MMS19: variants seen among roughly 807,000 people sequenced by gnomAD.
MMS19 encodes the protein MMS19 cytosolic iron-sulfur assembly component, also known as MMS19 nucleotide excision repair protein homolog.
In MMS19, 77 loss-of-function variants were observed where a neutral mutation model predicts 129.8. The observed-to-expected ratio is 0.59, with a 90% CI of 0.49 to 0.72. The LOEUF (loss-of-function observed/expected upper bound fraction) is 0.72. Among genes scored for constraint, MMS19 ranks in the 30% least tolerant of loss-of-function variants. The pLI is 0.00. For synonymous variants in MMS19, 491 were observed against 502.8 expected (o/e 0.98, Z 0.31); for missense variants, 1,168 against 1,266.3 (o/e 0.92, Z 1.18).
At chr10:97,478,783 G>A (rs770757364) in intron 3 of MMS19, among the ~76,000 whole-genome samples, 55 of 152,064 alleles carry the variant, frequency 3.6e-4, no homozygotes, top group African/African-American at 1.3e-3. Flanking sequence ...AAATAAATGA[G>A]TGTAGCTATG....
chr10:97,462,819 G>A (rs1395678583), intron 19 of MMS19, 137 bp from the exon 20 acceptor site: 17 of 690,266 alleles, frequency 2.5e-5, no homozygotes, highest in Non-Finnish European at 4.1e-5. Context: ...GTCTCTGGTA[G>A]TGCTATAGTC....
chr10:97,483,569 C>T (rs10882942), intron 2 of MMS19, among the ~76,000 whole-genome samples: 61,449 of 152,088 alleles, frequency 0.4, 12,405 homozygotes, highest in Non-Finnish European at 0.43. Flanking sequence ...TTATGAAATA[C>T]GAGGAAAGTA....
At chr10:97,493,804 C>T (rs747464734) in intron 1 of MMS19, among the ~76,000 whole-genome samples, 1 of 152,140 alleles carries the variant, frequency 6.6e-6, no homozygotes, top group Non-Finnish European at 1.5e-5. Context: ...CACCTGAGGT[C>T]GGAAGTTTAG....
chr10:97,491,032 C>T (rs560856554), intron 1 of MMS19, among the ~76,000 whole-genome samples: 5 of 152,204 alleles, frequency 3.3e-5, no homozygotes, highest in Non-Finnish European at 5.9e-5. Flanking sequence ...TTCTGGGTTA[C>T]GAACCACAAA....
chr10:97,465,159 G>A (rs1360010494), intron 18 of MMS19, among the ~76,000 whole-genome samples: 1 of 151,798 alleles, frequency 6.6e-6, no homozygotes, highest in African/African-American at 2.4e-5. Flanking sequence ...ACAGGCGCCT[G>A]CCACCATGAC....
At chr10:97,476,382 C>A (rs1476765073) in intron 8 of MMS19, among the ~76,000 whole-genome samples, 13 of 152,206 alleles carry the variant, frequency 8.5e-5, no homozygotes, top group Admixed American at 7.9e-4. Flanking sequence ...CATTTTCCTA[C>A]CTAATCTCCT....
At chr10:97,477,498 C>T in intron 5 of MMS19, 82 bp from the exon 6 acceptor site, 1 of 1,579,456 alleles carries the variant, frequency 6.3e-7, no homozygotes, top group Non-Finnish European at 8.7e-7. Context: ...TTCATAATCT[C>T]TAAGTGAACA....
At chr10:97,466,321 G>A (rs939276771) in intron 16 of MMS19, among the ~76,000 whole-genome samples, 162 bp from the exon 17 acceptor site, 1 of 152,208 alleles carries the variant, frequency 6.6e-6, no homozygotes, top group East Asian at 1.9e-4. Flanking sequence ...GCTTCTTAAA[G>A]CCTAAGAAGA....
intron 1 of MMS19, among the ~76,000 whole-genome samples, chr10:97,486,862 C>CAT (rs148575472): frequency 0.015 from 1,261 of 84,918 alleles, 38 homozygotes; most frequent in African/African-American, 0.038. Context: ...ATTAAAGTGC[C>CAT]ATATATATAT....
In MMS19 at chr10:97,462,697, C is replaced by T. The variant is rs759167871; in HGVS notation, c.1913-15G>A. The T allele has an allele frequency of 1.3e-5, 20 of 1,570,820 alleles. No homozygotes were observed. In the Middle Eastern group the frequency reaches 5.0e-4, roughly 39 times the overall value. ...GGGCTCCTTCTCTGCAAAACACACA[C>T]ACATGCACACAATCACAAGACCATG... On this transcript the variant is annotated splice_polypyrimidine_tract_variant and intron_variant, in intron 19 of 30. Coordinates refer to ENST00000438925, the MANE Select transcript of MMS19 (RefSeq NM_022362.5).
At chr10:97,461,711 T>G in intron 22 of MMS19, 89 bp from the exon 23 acceptor site, 1 of 1,551,316 alleles carries the variant, frequency 6.4e-7, no homozygotes, top group South Asian at 1.2e-5. Flanking sequence ...CCGGGACGGA[T>G]GAGAACTAAC....
chr10:97,469,833 C>A, intron 10 of MMS19, 110 bp from the exon 11 acceptor site: 2 of 894,604 alleles, frequency 2.2e-6, no homozygotes, highest in South Asian at 1.5e-5. Context: ...GCAGAAAAAC[C>A]AGTTAAGATT....
Position 97,459,692 on chromosome 10 carries a change from C to T in MMS19, c.2706G>A (p.Leu902=), listed in dbSNP as rs1442919887. The T allele has an allele frequency of 1.2e-6, 2 of 1,612,500 alleles. No homozygotes were observed. The highest frequency in any genetic ancestry group is 1.7e-4 in the Middle Eastern group (1 of 6,060). ...GCTCTGGCAAGAGTACAGGCTTGGG[C>T]AGCCTGTTAAGTACATGAGAAAGAC... The part of the protein sequence containing the change: ...LKGLSHVLNR[L]PKPVLLPELP... The change falls in exon 27 of 31, where the codon CTG becomes CTA. Residue 902 remains leucine, a synonymous_variant. Transcript: ENST00000438925.
intron 3 of MMS19, among the ~76,000 whole-genome samples, chr10:97,479,757 A>G (rs1409750227): frequency 2.0e-5 from 3 of 152,158 alleles, no homozygotes; most frequent in African/African-American, 7.2e-5. Flanking sequence ...ATGTAAAAAC[A>G]TCTACATATA....
intron 26 of MMS19, 116 bp downstream of exon 26, chr10:97,459,930 A>T: frequency 8.5e-7 from 1 of 1,181,472 alleles, no homozygotes; most frequent in Non-Finnish European, 1.2e-6. Context: ...TTAGTCTTCT[A>T]GGCACAGACC....
chr10:97,493,181 T>C, intron 1 of MMS19, among the ~76,000 whole-genome samples: 1 of 152,036 alleles, frequency 6.6e-6, no homozygotes, highest in Non-Finnish European at 1.5e-5. Context: ...GGCTGATTTT[T>C]AAAGATTTTT....
intron 1 of MMS19, among the ~76,000 whole-genome samples, chr10:97,491,621 C>A (rs774592466): frequency 6.6e-6 from 1 of 151,830 alleles, no homozygotes; most frequent in African/African-American, 2.4e-5. Flanking sequence ...GCCGAAATCA[C>A]GCCTGGGCGA....
Position 97,466,046 on chromosome 10 carries a change from T to G in MMS19, c.1606+13A>C, listed in dbSNP as rs367661714. 1.2e-6 allele frequency: 2 copies of G among 1,613,588 alleles called. No individual in the cohort carries two copies. Among genetic ancestry groups the G allele is most frequent in the African/African-American group, 1.3e-5 (1 of 75,048 alleles). On this transcript the variant is annotated intron_variant, in intron 17 of 30. Transcript: ENST00000438925. The stretch of plus-strand genomic sequence containing the variant: ...TGGAAAGGGATGGGCCACAGAGGAT[T>G]AGAGACACATACCTACACGCAGCTC...
chr10:97,493,297 C>T (rs1041571949), intron 1 of MMS19, among the ~76,000 whole-genome samples: 1 of 152,324 alleles, frequency 6.6e-6, no homozygotes, highest in South Asian at 2.1e-4. Context: ...AGGCATGAAC[C>T]ACCATGCCTA....
Sources: gnomAD v4.1 joint callset for allele counts (sites outside exome capture counted in the v4.1 genomes callset) on GRCh38, gnomAD v4.1.1 for gene constraint, MANE v1.5 for transcripts, NCBI Gene and HGNC (gene_info 2026-07-23, HGNC 2026-07-21) for gene names.